GLIS3: variants seen among roughly 807,000 people sequenced by gnomAD.
The protein encoded by GLIS3 is GLIS family zinc finger 3.
In GLIS3, 53 loss-of-function variants were observed where a neutral mutation model predicts 78.6. The ratio of observed to expected loss-of-function variants is 0.67; its 90% CI spans 0.54 to 0.85. GLIS3 has a LOEUF of 0.85. GLIS3 is among the 40% of genes least tolerant of loss of function. The pLI, the probability that GLIS3 is intolerant of heterozygous loss-of-function variation, is 0.00. For synonymous variants in GLIS3, 684 were observed against 509.9 expected (o/e 1.34, Z -4.60); for missense variants, 1,703 against 1,231.1 (o/e 1.38, Z -5.74).
chr9:4,186,716 T>A (rs1008393836), intron 2 of GLIS3, among the ~76,000 whole-genome samples: 2 of 152,068 alleles, frequency 1.3e-5, no homozygotes, highest in Non-Finnish European at 2.9e-5. Context: ...TGGTATCTCA[T>A]TGTGGTTTTG....
intron 1 of GLIS3, among the ~76,000 whole-genome samples, chr9:4,290,233 C>T (rs1828334899): frequency 6.6e-6 from 1 of 152,070 alleles, no homozygotes; most frequent in Admixed American, 6.5e-5. Flanking sequence ...CTACATTTAG[C>T]CTTTGTTACA....
the GLIS3 span, among the ~76,000 whole-genome samples, chr9:4,379,068 C>T: frequency 5.3e-5 from 8 of 152,276 alleles, no homozygotes; most frequent in African/African-American, 1.9e-4. Flanking sequence ...TCTTGCCTAA[C>T]CTGCAGCCTC....
chr9:4,219,731 A>C (rs1055595050), intron 2 of GLIS3, among the ~76,000 whole-genome samples: 1 of 152,178 alleles, frequency 6.6e-6, no homozygotes, highest in Non-Finnish European at 1.5e-5. Context: ...AAATAGTGCA[A>C]CTGAGCTGGG....
At chr9:4,372,896 C>G in the GLIS3 span, among the ~76,000 whole-genome samples, 3 of 152,214 alleles carry the variant, frequency 2.0e-5, no homozygotes, top group East Asian at 1.9e-4. Flanking sequence ...CTTCCCCAGC[C>G]TCTAATGGGC....
chr9:4,243,876 C>A (rs1198869541), intron 2 of GLIS3, among the ~76,000 whole-genome samples: 10 of 152,164 alleles, frequency 6.6e-5, no homozygotes, highest in African/African-American at 2.4e-4. Context: ...AGGAAGATTT[C>A]CTTCATGAGG....
intron 4 of GLIS3, among the ~76,000 whole-genome samples, chr9:3,979,137 T>C (rs1281200190): frequency 6.6e-6 from 1 of 152,206 alleles, no homozygotes; most frequent in African/African-American, 2.4e-5. Flanking sequence ...GGGTAGAGAA[T>C]ATGTTTCTTA....
At chr9:4,392,907 C>G in the GLIS3 span, among the ~76,000 whole-genome samples, 18 of 151,914 alleles carry the variant, frequency 1.2e-4, no homozygotes, top group Admixed American at 1.0e-3. Context: ...CTTTAGATCA[C>G]TATTCTTCCT....
intron 2 of GLIS3, among the ~76,000 whole-genome samples, chr9:4,248,335 G>C (rs914826637): frequency 2.0e-4 from 30 of 151,964 alleles, no homozygotes; most frequent in Non-Finnish European, 4.3e-4. Context: ...GACAACATGT[G>C]GTATTGGGTT....
the GLIS3 span, among the ~76,000 whole-genome samples, chr9:4,475,645 A>C: frequency 6.6e-6 from 1 of 152,228 alleles, no homozygotes; most frequent in Non-Finnish European, 1.5e-5. Context: ...AGATTTCAGT[A>C]TTATGATATT....
intron 9 of GLIS3, among the ~76,000 whole-genome samples, chr9:3,839,379 T>C (rs1171757006): frequency 1.3e-5 from 2 of 152,200 alleles, no homozygotes; most frequent in African/African-American, 4.8e-5. Context: ...TCCAGAGCTT[T>C]CTTACTGGCG....
At chr9:4,448,542 T>C in the GLIS3 span, among the ~76,000 whole-genome samples, 7 of 152,376 alleles carry the variant, frequency 4.6e-5, no homozygotes, top group South Asian at 1.5e-3. Context: ...ACATTGTTGT[T>C]GTCATTATAG....
chr9:4,473,601 G>T, the GLIS3 span, among the ~76,000 whole-genome samples: 3 of 152,066 alleles, frequency 2.0e-5, no homozygotes, highest in Non-Finnish European at 4.4e-5. Context: ...GAGAACACAT[G>T]GACACATAGA....
At chr9:4,457,277 T>C in the GLIS3 span, among the ~76,000 whole-genome samples, 1 of 151,676 alleles carries the variant, frequency 6.6e-6, no homozygotes, top group Non-Finnish European at 1.5e-5. Context: ...GGGAGGATCA[T>C]TTGAGCCCAG....
chr9:4,281,500 T>C (rs1322522854), intron 2 of GLIS3, among the ~76,000 whole-genome samples: 1 of 152,192 alleles, frequency 6.6e-6, no homozygotes, highest in East Asian at 1.9e-4. Flanking sequence ...AATTTGACCA[T>C]TCCAGGAACT....
the GLIS3 span, among the ~76,000 whole-genome samples, chr9:4,354,759 A>G: frequency 4.7e-4 from 71 of 152,248 alleles, no homozygotes; most frequent in Admixed American, 4.2e-3. Flanking sequence ...CTAGGAAAAC[A>G]TGCTACCCCA....
intron 2 of GLIS3, among the ~76,000 whole-genome samples, chr9:4,170,783 T>G (rs1564146519): frequency 6.6e-6 from 1 of 152,008 alleles, no homozygotes; most frequent in South Asian, 2.1e-4. Context: ...ACTACCTAAA[T>G]CCACATAGGC....
intron 4 of GLIS3, among the ~76,000 whole-genome samples, chr9:4,110,692 C>T (rs7038499): frequency 0.23 from 34,276 of 152,026 alleles, 4,018 homozygotes; most frequent in Admixed American, 0.29. Flanking sequence ...AGGCTCTGGG[C>T]TAGCCAACCA....
At position 3,829,447 on chromosome 9, in the gene GLIS3, T is replaced by C; in HGVS notation, c.2519A>G (p.Asp840Gly). The change falls in exon 10 of 11, where the codon GAT (aspartate) becomes GGT (glycine). Residue 840 changes from aspartate to glycine, a missense_variant. Coordinates refer to ENST00000381971, the MANE Select transcript of GLIS3 (RefSeq NM_001042413.2). ...LQKFCPPHYP[D>G]SQRIVPPVSS... The stretch of plus-strand genomic sequence containing the variant: ...GACAGGCGGCACAATTCTCTGGGAA[T>C]CGGGGTAGTGTGGGGGACAGAACTT... 6.2e-7 allele frequency: 1 copy of C among 1,614,056 alleles called. No individual in the cohort carries two copies.
intron 2 of GLIS3, among the ~76,000 whole-genome samples, chr9:4,151,777 C>A (rs1271217221): frequency 6.6e-6 from 1 of 152,102 alleles, no homozygotes; most frequent in Non-Finnish European, 1.5e-5. Flanking sequence ...AGAGACCATG[C>A]CTGGTAATGA....
Sources: allele counts gnomAD v4.1 joint callset (sites outside exome capture counted in the v4.1 genomes callset), GRCh38; gene constraint gnomAD v4.1.1; transcripts MANE v1.5; gene names NCBI Gene and HGNC (gene_info 2026-07-23, HGNC 2026-07-21).